BCKDHB: variants seen among roughly 807,000 people sequenced by gnomAD.
BCKDHB encodes branched chain keto acid dehydrogenase E1 subunit beta.
A neutral mutation model predicts 48.5 loss-of-function variants in BCKDHB; 41 were observed. That is an observed-to-expected ratio of 0.85 (90% CI 0.66 to 1.10). The LOEUF (loss-of-function observed/expected upper bound fraction) is 1.10. Among genes scored for constraint, BCKDHB ranks in the 50% least tolerant of loss-of-function variants. The pLI is 0.00. For missense variants in BCKDHB, 496 were observed against 494.2 expected (o/e 1.00, Z -0.03); for synonymous variants, 201 against 174.8 (o/e 1.15, Z -1.18).
the BCKDHB span, among the ~76,000 whole-genome samples, chr6:80,424,217 G>A: frequency 4.6e-5 from 7 of 152,126 alleles, no homozygotes; most frequent in African/African-American, 1.4e-4. Context: ...GTGAGAAGTT[G>A]AGAGGATGAT....
intron 3 of BCKDHB, among the ~76,000 whole-genome samples, chr6:80,145,612 C>G (rs1227983944): frequency 1.3e-5 from 2 of 152,144 alleles, no homozygotes; most frequent in Non-Finnish European, 2.9e-5. Context: ...TTTATAGTTT[C>G]TGCAGAACTG....
At chr6:80,446,901 CT>C in the BCKDHB span, among the ~76,000 whole-genome samples, 1 of 151,710 alleles carries the variant, frequency 6.6e-6, no homozygotes, top group Non-Finnish European at 1.5e-5. Flanking sequence ...TGGAATGTTT[CT>C]GGTTGGAGAT....
intron 9 of BCKDHB, among the ~76,000 whole-genome samples, chr6:80,342,279 A>G (rs1769943721): frequency 6.6e-6 from 1 of 152,190 alleles, no homozygotes; most frequent in Non-Finnish European, 1.5e-5. Flanking sequence ...GACCTCCTTA[A>G]ATCCTTTATA....
At chr6:80,301,984 T>C (rs1767608093) in intron 9 of BCKDHB, among the ~76,000 whole-genome samples, 2 of 152,282 alleles carry the variant, frequency 1.3e-5, no homozygotes, top group Admixed American at 1.3e-4. Context: ...AGGCTAGGCA[T>C]TGAAGGAACA....
At chr6:80,396,286 C>T in the BCKDHB span, among the ~76,000 whole-genome samples, 1,984 of 152,320 alleles carry the variant, frequency 0.013, 41 homozygotes, top group African/African-American at 0.045. Flanking sequence ...TGCAAAGCCA[C>T]AGGGCTGGCC....
At chr6:80,267,849 C>T (rs1777577981) in intron 8 of BCKDHB, among the ~76,000 whole-genome samples, 1 of 152,000 alleles carries the variant, frequency 6.6e-6, no homozygotes, top group Non-Finnish European at 1.5e-5. Context: ...TTTTTCAGCT[C>T]TTCATGTAAT....
chr6:80,122,834 A>G (rs1770101232), intron 1 of BCKDHB, among the ~76,000 whole-genome samples: 1 of 152,060 alleles, frequency 6.6e-6, no homozygotes, highest in Admixed American at 6.6e-5. Context: ...TCTGACCACA[A>G]ATTTACCAGC....
chr6:80,322,896 CTTTTTTTTT>C (rs34177726), intron 9 of BCKDHB, among the ~76,000 whole-genome samples: 1 of 115,568 alleles, frequency 8.7e-6, no homozygotes, highest in African/African-American at 3.2e-5. Context: ...TTTCTTTTTT[CTTTTTTTTT>C]TTTTTTTTGC....
In BCKDHB at chr6:80,142,099, CT is replaced by C. The variant is rs1771246987; in HGVS notation, c.343+12872del. Among the ~76,000 whole-genome samples, 3 of 151,982 alleles carry C rather than the reference CT, an allele frequency of 2.0e-5. No individual in the cohort carries two copies. In the South Asian group the frequency reaches 6.2e-4, roughly 31 times the overall value. ...TTCATTTCTTATGTATTTGGAGTTG[CT>C]TGTTTTTTGATTCAGATATAATTTT... On this transcript the variant is annotated intron_variant, in intron 3 of 9. Transcript: ENST00000320393.
At chr6:80,355,098 ATTATGT>A in the BCKDHB span, among the ~76,000 whole-genome samples, 4 of 151,960 alleles carry the variant, frequency 2.6e-5, no homozygotes, top group Non-Finnish European at 5.9e-5. Flanking sequence ...GAGCAGTATG[ATTATGT>A]TAATGATATT....
At chr6:80,143,710 G>A (rs1335868039) in intron 3 of BCKDHB, among the ~76,000 whole-genome samples, 1 of 152,178 alleles carries the variant, frequency 6.6e-6, no homozygotes, top group East Asian at 1.9e-4. Context: ...CTGGTGAGCA[G>A]CTACACCCAA....
the BCKDHB span, among the ~76,000 whole-genome samples, chr6:80,434,210 TTTC>T: frequency 6.6e-6 from 1 of 152,070 alleles, no homozygotes; most frequent in East Asian, 1.9e-4. Flanking sequence ...AAATATTGCT[TTTC>T]TTCATCTCGT....
chr6:80,435,047 G>A, the BCKDHB span, among the ~76,000 whole-genome samples: 1 of 152,118 alleles, frequency 6.6e-6, no homozygotes, highest in Non-Finnish European at 1.5e-5. Context: ...AGACTGCCAG[G>A]CTCTGTTTGG....
the BCKDHB span, among the ~76,000 whole-genome samples, chr6:80,381,285 A>G: frequency 6.6e-6 from 1 of 152,024 alleles, no homozygotes; most frequent in Non-Finnish European, 1.5e-5. Context: ...AGAACTGCCA[A>G]AAGTTCTATA....
rs183231868 is a variant in BCKDHB at position 80,149,791 on chromosome 6, A to T, written c.344-17887A>T. ...GGAATTGAACAATGAGAACACATGG[A>T]CACAGGAAGGGGAACATTACACTCT... On this transcript the variant is annotated intron_variant, in intron 3 of 9. Coordinates refer to ENST00000320393, the MANE Select transcript of BCKDHB (RefSeq NM_183050.4). 7.3e-4 allele frequency among the ~76,000 whole-genome samples: 102 copies of T among 139,182 alleles called. No individual in the cohort carries two copies. In the East Asian group the frequency reaches 0.022, roughly 30 times the overall value. The allele number at this position is 139,182 out of a possible 152,430, so 91.3% of individuals were successfully genotyped here.
chr6:80,365,852 C>T, the BCKDHB span, among the ~76,000 whole-genome samples: 1 of 152,188 alleles, frequency 6.6e-6, no homozygotes, highest in Non-Finnish European at 1.5e-5. Context: ...GTGGCTCCAG[C>T]CGGTCCCTCC....
At chr6:80,299,374 A>G (rs929543195) in intron 9 of BCKDHB, among the ~76,000 whole-genome samples, 3 of 152,046 alleles carry the variant, frequency 2.0e-5, no homozygotes, top group African/African-American at 7.2e-5. Context: ...ATGTTACCAG[A>G]CGCCACCACT....
chr6:80,187,233 A>T (rs1358377975), intron 6 of BCKDHB, among the ~76,000 whole-genome samples: 2 of 152,264 alleles, frequency 1.3e-5, no homozygotes, highest in South Asian at 4.2e-4. Context: ...GTATCATTTG[A>T]TTAAATGTGT....
rs532732143 is a variant in BCKDHB, at chr6:80,276,097, G to A, written c.1038+2876G>A. Among the ~76,000 whole-genome samples, 5 of 152,062 alleles carry A rather than the reference G, an allele frequency of 3.3e-5. No homozygotes were observed. The East Asian group carries it at 7.7e-4, about 23-fold the overall frequency. ...GGATGAGAATGATGTATAAATTTGA[G>A]TACTTTTGATTAAAATATGAAGTTA... On this transcript the variant is annotated intron_variant, in intron 9 of 9. Coordinates refer to ENST00000320393, the MANE Select transcript of BCKDHB (RefSeq NM_183050.4).
Sources: gnomAD v4.1 joint callset for allele counts (sites outside exome capture counted in the v4.1 genomes callset) on GRCh38, gnomAD v4.1.1 for gene constraint, MANE v1.5 for transcripts, NCBI Gene and HGNC (gene_info 2026-07-23, HGNC 2026-07-21) for gene names.